The following TEX11 variants were observed in gnomAD, a reference collection of about 807,000 sequenced individuals.
TEX11 encodes testis expressed 11, also known as testis-expressed protein 11.
Under a neutral mutation model 84.4 loss-of-function variants are expected in TEX11, and 7 were observed. The observed-to-expected ratio is 0.08, with a 90% CI of 0.05 to 0.16. The LOEUF (loss-of-function observed/expected upper bound fraction) is 0.16. Among genes scored for constraint, TEX11 ranks in the 10% least tolerant of loss-of-function variants. TEX11 has a pLI of 1.00. For synonymous variants in TEX11, 264 were observed against 222.8 expected (o/e 1.18, Z -1.64); for missense variants, 551 against 660.5 (o/e 0.83, Z 1.82).
chrX:70,790,362 G>A (rs1191629305), intron 9 of TEX11, among the ~76,000 whole-genome samples: 2 of 111,718 alleles, frequency 1.8e-5, no homozygotes, highest in African/African-American at 6.5e-5. Context: ...GAGTCACCAA[G>A]CACCAGGACC....
intron 9 of TEX11, among the ~76,000 whole-genome samples, chrX:70,795,205 G>A (rs1203761468): frequency 2.7e-5 from 3 of 109,409 alleles, no homozygotes; most frequent in Non-Finnish European, 3.8e-5. Flanking sequence ...TACTCCCCAC[G>A]GGCCTGTGAC....
intron 7 of TEX11, among the ~76,000 whole-genome samples, chrX:70,835,826 T>C (rs1226469786): frequency 8.9e-6 from 1 of 111,831 alleles, no homozygotes; most frequent in African/African-American, 3.2e-5. Flanking sequence ...AAAACTACCA[T>C]CAGGGCTGGG....
At chrX:70,751,118 C>A (rs1213272388) in intron 9 of TEX11, among the ~76,000 whole-genome samples, 3 of 103,813 alleles carry the variant, frequency 2.9e-5, no homozygotes, top group African/African-American at 1.0e-4. Context: ...TGACCTAGCC[C>A]TCCCATTACT....
chrX:70,904,230 T>C (rs1274255846), intron 2 of TEX11, among the ~76,000 whole-genome samples: 4 of 111,044 alleles, frequency 3.6e-5, no homozygotes, highest in Admixed American at 1.9e-4. Flanking sequence ...TGGATAGGCT[T>C]TTATGCTCCA....
At position 70,696,726 on chromosome X, in the gene TEX11, G is replaced by T. The variant is rs139530837; in HGVS notation, c.1005-13901C>A. On this transcript the variant is annotated intron_variant, in intron 13 of 29. Coordinates refer to ENST00000374333, the MANE Select transcript of TEX11 (RefSeq NM_031276.3). ...CAAGGCTGCAGTGAGCAGAGATCAC[G>T]CCACTGCACTCCAGCCTAGGTGCCA... 3.0e-3 allele frequency among the ~76,000 whole-genome samples: 335 copies of T among 111,721 alleles called. 1 individual carries two copies. The highest frequency in any genetic ancestry group is 0.01 in the African/African-American group (311 of 30,761).
chrX:70,530,230 G>A (rs1307431915), intron 28 of TEX11, among the ~76,000 whole-genome samples: 3 of 111,624 alleles, frequency 2.7e-5, no homozygotes, highest in Non-Finnish European at 5.6e-5. Flanking sequence ...GGTCCTCTCT[G>A]ACTGAAGGAA....
chrX:70,638,706 C>A (rs777109237), intron 17 of TEX11, among the ~76,000 whole-genome samples: 7 of 102,676 alleles, frequency 6.8e-5, no homozygotes, highest in Non-Finnish European at 9.8e-5. Context: ...GAGGCTGAAG[C>A]AGAAGAACTG....
intron 2 of TEX11, among the ~76,000 whole-genome samples, chrX:70,890,335 A>G (rs1569461731): frequency 9.0e-6 from 1 of 111,412 alleles, no homozygotes; most frequent in Non-Finnish European, 1.9e-5. Context: ...TCTCATTGGG[A>G]CTGGTTGGAC....
intron 3 of TEX11, among the ~76,000 whole-genome samples, chrX:70,873,881 CAT>C (rs1181971303): frequency 9.0e-6 from 1 of 111,601 alleles, no homozygotes; most frequent in Non-Finnish European, 1.9e-5. Context: ...ATTTATTTAA[CAT>C]GTGATATAGT....
intron 17 of TEX11, among the ~76,000 whole-genome samples, chrX:70,630,749 A>G (rs927134177): frequency 8.9e-6 from 1 of 112,223 alleles, no homozygotes; most frequent in Non-Finnish European, 1.9e-5. Context: ...AACAAAACAC[A>G]TCTTTTAAAT....
rs780615124 is a variant in TEX11 at position 70,651,237 on chromosome X, C to T, written c.1483+213G>A. ...ATTCTTGTCCCGCGTTTGCCCAGTTCCTATTCCCTCAATAGGTAACCACTG... is the reference window on the plus strand; with the variant it reads ...ATTCTTGTCCCGCGTTTGCCCAGTTTCTATTCCCTCAATAGGTAACCACTG... On this transcript the variant is annotated intron_variant, in intron 17 of 29. Coordinates refer to ENST00000374333, the MANE Select transcript of TEX11 (RefSeq NM_031276.3). Among the ~76,000 whole-genome samples the T allele has an allele frequency of 7.2e-5, 8 of 111,843 alleles. No individual in the cohort carries two copies. The South Asian group carries it at 2.6e-3, about 36-fold the overall frequency.
At chrX:70,906,431 A>G (rs1416118129) in intron 2 of TEX11, among the ~76,000 whole-genome samples, 2 of 109,770 alleles carry the variant, frequency 1.8e-5, no homozygotes, top group Non-Finnish European at 3.8e-5. Context: ...TACCTTTAAG[A>G]TATTTTATCC....
chrX:70,530,124 G>T (rs776264366), intron 28 of TEX11, 125 bp from the exon 29 acceptor site: 42 of 617,893 alleles, frequency 6.8e-5, no homozygotes, highest in Middle Eastern at 5.1e-4. Context: ...GTTTAGGAAG[G>T]TCTGTGCTCC....
At chrX:70,854,900 T>TTAAAAATTC (rs1269299058) in intron 5 of TEX11, among the ~76,000 whole-genome samples, 1 of 107,209 alleles carries the variant, frequency 9.3e-6, no homozygotes. Flanking sequence ...TACAAAAAAT[T>TTAAAAATTC]AGCTGGGCAT....
rs745535038 is a variant in TEX11 at position 70,605,491 on chromosome X, T to C, written c.1977A>G (p.Gln659=). 7 of 1,205,567 alleles carry C rather than the reference T, an allele frequency of 5.8e-6. No homozygotes were observed. The Admixed American group carries it at 1.5e-4, about 26-fold the overall frequency. The stretch of plus-strand genomic sequence containing the variant: ...ATGTTTTCCGTGCAATCAGAATTAC[T>C]TGATCAGAAGGACAAAACTGGGACA... ...YKMSQFCPSD[Q]VILIARKTCL... Residue 659 remains glutamine (Q), a synonymous_variant, in exon 24 of 30, where the codon CAA becomes CAG. Transcript: ENST00000374333.
chrX:70,839,138 G>C (rs2091425127), intron 7 of TEX11, among the ~76,000 whole-genome samples: 1 of 112,267 alleles, frequency 8.9e-6, no homozygotes, highest in Non-Finnish European at 1.9e-5. Context: ...GCTTTGAAGA[G>C]AGTAGTGGTT....
At chrX:70,538,500 T>C (rs1468415209) in intron 28 of TEX11, among the ~76,000 whole-genome samples, 1 of 110,471 alleles carries the variant, frequency 9.1e-6, no homozygotes, top group Non-Finnish European at 1.9e-5. Context: ...AAGATTTAGA[T>C]GAAAGAAGGC....
intron 13 of TEX11, 45 bp downstream of exon 13, chrX:70,722,573 G>A (rs1300468736): frequency 9.2e-7 from 1 of 1,087,496 alleles, no homozygotes; most frequent in Non-Finnish European, 1.3e-6. Context: ...CTGGTGCCTA[G>A]CCAAAAACTG....
At chrX:70,576,650 T>C (rs1325530364) in intron 25 of TEX11, among the ~76,000 whole-genome samples, 1 of 112,334 alleles carries the variant, frequency 8.9e-6, no homozygotes, top group Non-Finnish European at 1.9e-5. Context: ...TTTATAAGAA[T>C]ATATATATGT....
Sources: allele counts gnomAD v4.1 joint callset (sites outside exome capture counted in the v4.1 genomes callset), GRCh38; gene constraint gnomAD v4.1.1; transcripts MANE v1.5; gene names NCBI Gene and HGNC (gene_info 2026-07-23, HGNC 2026-07-21).